CLEC9A: variants seen among roughly 807,000 people sequenced by gnomAD.
CLEC9A encodes the protein C-type lectin domain containing 9A.
In CLEC9A, 24 loss-of-function variants were observed where a neutral mutation model predicts 30.0. The ratio of observed to expected loss-of-function variants is 0.80; its 90% CI spans 0.58 to 1.13. CLEC9A has a LOEUF of 1.13. Among genes scored for constraint, CLEC9A ranks in the 50% most tolerant of loss-of-function variants. CLEC9A has a pLI of 0.00. For synonymous variants in CLEC9A, 111 were observed against 96.8 expected (o/e 1.15, Z -0.86); for missense variants, 251 against 280.9 (o/e 0.89, Z 0.76).
intron 1 of CLEC9A, among the ~76,000 whole-genome samples, chr12:10,031,181 T>C (rs1192637172): frequency 1.3e-5 from 2 of 152,198 alleles, no homozygotes; most frequent in Non-Finnish European, 2.9e-5. Flanking sequence ...TGTGGGAGTA[T>C]GTATCATCTG....
At chr12:10,064,652 G>C in intron 7 of CLEC9A, 80 bp from the exon 8 acceptor site, 3 of 1,424,778 alleles carry the variant, frequency 2.1e-6, no homozygotes, top group Non-Finnish European at 2.8e-6. Context: ...TTCTAGCTAG[G>C]CAAAATGTCA....
chr12:10,045,604 T>C, intron 2 of CLEC9A: 1 of 275,296 alleles, frequency 3.6e-6, no homozygotes, highest in South Asian at 4.7e-5. Flanking sequence ...AAAGCTGGCA[T>C]GGCCAAGGTG....
chr12:10,043,609 A>AGTGTGTGTGTGTGTGT (rs34659428), intron 2 of CLEC9A, among the ~76,000 whole-genome samples: 2 of 144,044 alleles, frequency 1.4e-5, no homozygotes, highest in Admixed American at 7.0e-5. Context: ...ACCATGGAAC[A>AGTGTGTGTGTGTGTGT]GTGTGTGTGT....
At chr12:10,038,330 G>A (rs1027231257) in intron 1 of CLEC9A, among the ~76,000 whole-genome samples, 1 of 152,156 alleles carries the variant, frequency 6.6e-6, no homozygotes, top group Admixed American at 6.5e-5. Context: ...TTTGAAGAGT[G>A]TAGAGAAAGA....
Position 10,061,259 on chromosome 12 carries a change from A to C in CLEC9A, c.305A>C (p.Asn102Thr), listed in dbSNP as rs760119344. The C allele has an allele frequency of 3.7e-6, 6 of 1,609,568 alleles. No individual in the cohort carries two copies. In the African/African-American group the frequency reaches 8.0e-5, roughly 22 times the overall value. Residue 102 changes from asparagine to threonine, a missense_variant, in exon 6 of 9, where the codon AAC (asparagine) becomes ACC (threonine). Coordinates refer to ENST00000355819, the MANE Select transcript of CLEC9A (RefSeq NM_207345.4). ...AAATATTGCCAAGCCTTCATGCAAA[A>C]CTCATTAAGTTCAGGTAATGGATAA... ...QMKYCQAFMQ[N>T]SLSSAHNSSP...
At chr12:10,063,293 C>CTTTTACTTTTA in intron 7 of CLEC9A, 87 bp downstream of exon 7, 2 of 1,235,788 alleles carry the variant, frequency 1.6e-6, no homozygotes, top group South Asian at 4.3e-5. Flanking sequence ...AGACAAAATT[C>CTTTTACTTTTA]CTTAATATTC....
intron 2 of CLEC9A, among the ~76,000 whole-genome samples, chr12:10,048,633 G>T (rs1448638666): frequency 6.6e-6 from 1 of 152,132 alleles, no homozygotes; most frequent in Non-Finnish European, 1.5e-5. Context: ...CATTTTATTT[G>T]CTCATCCATA....
At chr12:10,053,007 G>A (rs1308277599) in intron 4 of CLEC9A, among the ~76,000 whole-genome samples, 7 of 152,048 alleles carry the variant, frequency 4.6e-5, no homozygotes, top group African/African-American at 1.7e-4. Context: ...TGCCTCTCTA[G>A]AAAAGAAAAG....
At chr12:10,036,160 A>AT (rs111665666) in intron 1 of CLEC9A, among the ~76,000 whole-genome samples, 12,182 of 151,930 alleles carry the variant, frequency 0.08, 1,363 homozygotes, top group African/African-American at 0.25. Context: ...TTTTCCCTTC[A>AT]TTTTCACTAC....
intron 1 of CLEC9A, among the ~76,000 whole-genome samples, chr12:10,033,037 A>G (rs918976950): frequency 6.6e-6 from 1 of 152,072 alleles, no homozygotes; most frequent in Non-Finnish European, 1.5e-5. Flanking sequence ...CTCCACATGA[A>G]CACATCTAAT....
chr12:10,052,542 T>C, intron 3 of CLEC9A, 88 bp from the exon 4 acceptor site: 1 of 1,383,618 alleles, frequency 7.2e-7, no homozygotes, highest in East Asian at 2.5e-5. Flanking sequence ...GTGCATCTAT[T>C]CTACTCCTTA....
Position 10,065,506 on chromosome 12 carries a change from A to G in CLEC9A, c.600A>G (p.Pro200=), listed in dbSNP as rs746619217. ...DGSSPSPGLL[P]AERSQSANQV... ...TGTTGACTTGCTTTTCCAGGTTGCCAGCAGAGAGATCCCAGTCAGCTAACC... is the reference window on the plus strand; with the variant it reads ...TGTTGACTTGCTTTTCCAGGTTGCCGGCAGAGAGATCCCAGTCAGCTAACC... The change falls in exon 9 of 9, where the codon CCA becomes CCG. Residue 200 remains proline, a synonymous_variant. Transcript: ENST00000355819. The G allele has an allele frequency of 1.9e-6, 3 of 1,613,742 alleles. No individual in the cohort carries two copies. Among genetic ancestry groups the G allele is most frequent in the Non-Finnish European group, 2.5e-6 (3 of 1,179,768 alleles).
At chr12:10,032,576 A>G (rs1015526534) in intron 1 of CLEC9A, among the ~76,000 whole-genome samples, 2 of 151,822 alleles carry the variant, frequency 1.3e-5, no homozygotes, top group Admixed American at 6.6e-5. Context: ...TATTTTTAGT[A>G]GAGATGGGGT....
intron 1 of CLEC9A, among the ~76,000 whole-genome samples, chr12:10,038,824 G>T (rs998764158): frequency 2.0e-5 from 3 of 152,196 alleles, no homozygotes; most frequent in African/African-American, 7.2e-5. Flanking sequence ...AGTAGTTATA[G>T]GATGGGTGGG....
chr12:10,045,536 TA>T, intron 2 of CLEC9A: 1 of 268,474 alleles, frequency 3.7e-6, no homozygotes. Context: ...CCTATTTTCA[TA>T]ATCAGAAAAG....
chr12:10,056,819 T>G (rs1437921139), intron 5 of CLEC9A, among the ~76,000 whole-genome samples: 1 of 152,110 alleles, frequency 6.6e-6, no homozygotes, highest in Non-Finnish European at 1.5e-5. Flanking sequence ...AAAAGAAACA[T>G]AGCTAGAAAA....
intron 5 of CLEC9A, among the ~76,000 whole-genome samples, chr12:10,056,386 A>G (rs1490369541): frequency 1.3e-5 from 2 of 152,212 alleles, no homozygotes; most frequent in Non-Finnish European, 2.9e-5. Flanking sequence ...AGCAAGAACA[A>G]CAAAAGAAAG....
At chr12:10,045,520 A>G in intron 2 of CLEC9A, 1 of 254,944 alleles carries the variant, frequency 3.9e-6, no homozygotes, top group Non-Finnish European at 8.6e-6. Context: ...GGAAATATGA[A>G]TTGTGCCTAT....
At chr12:10,048,241 A>G (rs1385570255) in intron 2 of CLEC9A, among the ~76,000 whole-genome samples, 1 of 120,050 alleles carries the variant, frequency 8.3e-6, no homozygotes, top group African/African-American at 2.7e-5. Context: ...CTCCGTCTCA[A>G]AAAAAAAAAA....
Sources: allele counts gnomAD v4.1 joint callset (sites outside exome capture counted in the v4.1 genomes callset), GRCh38; gene constraint gnomAD v4.1.1; transcripts MANE v1.5; gene names NCBI Gene and HGNC (gene_info 2026-07-23, HGNC 2026-07-21).